The following DSCAML1 variants were observed in gnomAD, a reference collection of about 807,000 sequenced individuals.
DSCAML1 encodes the protein cell adhesion molecule DSCAML1.
DSCAML1 carries 38 observed loss-of-function variants against 200.5 expected under a neutral mutation model. The observed-to-expected ratio is 0.19, with a 90% CI of 0.15 to 0.25. The LOEUF (loss-of-function observed/expected upper bound fraction) is 0.25, where lower values mean the gene tolerates loss of function less well. Among genes scored for constraint, DSCAML1 ranks in the 10% least tolerant of loss-of-function variants. The probability of loss-of-function intolerance (pLI) is 1.00; values close to 1 mark genes in which losing one functional copy is unlikely to be tolerated. For synonymous variants in DSCAML1, 1,215 were observed against 1,165.0 expected (o/e 1.04, Z -0.87); for missense variants, 2,223 against 2,858.8 (o/e 0.78, Z 5.07).
chr11:117,713,536 T>A (rs2053891375), intron 3 of DSCAML1, among the ~76,000 whole-genome samples: 1 of 152,108 alleles, frequency 6.6e-6, no homozygotes, highest in South Asian at 2.1e-4. Context: ...GACCACAATT[T>A]CCCAGGGAGG....
At chr11:117,588,111 G>A (rs1267132950) in intron 3 of DSCAML1, among the ~76,000 whole-genome samples, 1 of 152,170 alleles carries the variant, frequency 6.6e-6, no homozygotes, top group Non-Finnish European at 1.5e-5. Flanking sequence ...AATTCCCTGG[G>A]TTAGGTTCCA....
At chr11:117,607,788 T>G (rs1247604723) in intron 3 of DSCAML1, among the ~76,000 whole-genome samples, 1 of 152,178 alleles carries the variant, frequency 6.6e-6, no homozygotes, top group African/African-American at 2.4e-5. Flanking sequence ...AGGGGCCTGT[T>G]CCCAACGCCA....
At chr11:117,499,816 C>T (rs2049362210) in intron 11 of DSCAML1, among the ~76,000 whole-genome samples, 1 of 152,204 alleles carries the variant, frequency 6.6e-6, no homozygotes, top group African/African-American at 2.4e-5. Context: ...TGGAAAACCA[C>T]TTGCCTGCTC....
At chr11:117,477,149 G>A (rs965820082) in intron 14 of DSCAML1, among the ~76,000 whole-genome samples, 2 of 151,026 alleles carry the variant, frequency 1.3e-5, no homozygotes, top group African/African-American at 4.9e-5. Context: ...CTTCAGCTTT[G>A]CCAGTGGTTC....
At chr11:117,595,339 T>C (rs939970616) in intron 3 of DSCAML1, among the ~76,000 whole-genome samples, 2 of 152,164 alleles carry the variant, frequency 1.3e-5, no homozygotes, top group African/African-American at 4.8e-5. Context: ...AAAACCAAAG[T>C]AAGACAATAA....
Position 117,518,312 on chromosome 11 carries a change from G to T in DSCAML1, c.1510+154C>A. 2 of 995,542 alleles carry T rather than the reference G, an allele frequency of 2.0e-6. No homozygotes were observed. Among genetic ancestry groups the T allele is most frequent in the Non-Finnish European group, 3.0e-6 (2 of 656,896 alleles). 61.7% of individuals were successfully genotyped at this position (995,542 alleles called of 1,614,324 possible). A position where few individuals can be genotyped will look rare whatever the true frequency, so the allele number is the denominator to read the frequency against. The stretch of plus-strand genomic sequence containing the variant: ...AGAATGGATGATGGCGCTTGAGGAG[G>T]GCAGGAAAAGGGGACGAGAGAGGGG... On this transcript the variant is annotated intron_variant, in intron 7 of 32. Coordinates refer to ENST00000651296, the MANE Select transcript of DSCAML1 (RefSeq NM_020693.4). This position sits in a 1 kb window ranked among gnomAD's most constrained non-coding sequence, Gnocchi z 6.3.
At chr11:117,792,326 C>T (rs2134072197) in intron 1 of DSCAML1, among the ~76,000 whole-genome samples, 1 of 152,154 alleles carries the variant, frequency 6.6e-6, no homozygotes, top group East Asian at 1.9e-4. Context: ...CCTGGAAATG[C>T]AGACAAAACC....
At chr11:117,619,556 CTT>C (rs943574199) in intron 3 of DSCAML1, among the ~76,000 whole-genome samples, 7 of 152,184 alleles carry the variant, frequency 4.6e-5, no homozygotes, top group Admixed American at 3.3e-4. Flanking sequence ...TTTTTGTACT[CTT>C]TGCAAATCTG....
upstream of DSCAML1, among the ~76,000 whole-genome samples, chr11:117,797,809 A>T (rs187583480): frequency 5.3e-5 from 8 of 151,970 alleles, no homozygotes; most frequent in African/African-American, 1.9e-4. Context: ...TGACTATTTA[A>T]ACGGTTATTC....
At position 117,428,289 on chromosome 11, in the gene DSCAML1, C is replaced by T. The variant is rs759628818; in HGVS notation, c.*39G>A. 4.3e-5 allele frequency: 50 copies of T among 1,160,888 alleles called. 1 individual carries two copies. Among genetic ancestry groups the T allele is most frequent in the Middle Eastern group, 4.6e-4 (2 of 4,308 alleles). 71.9% of individuals were successfully genotyped at this position (1,160,888 alleles called of 1,614,324 possible). ...GCCGAGCTGGCGTGTGGGGCTGCGGCGCGGCGCGGTCCAGGCGTGGCTGCT... is the reference window on the plus strand; with the variant it reads ...GCCGAGCTGGCGTGTGGGGCTGCGGTGCGGCGCGGTCCAGGCGTGGCTGCT... On this transcript the variant is annotated 3_prime_UTR_variant, in exon 33 of 33. Transcript: ENST00000651296.
chr11:117,588,211 A>G (rs951400342), intron 3 of DSCAML1, among the ~76,000 whole-genome samples: 16 of 152,044 alleles, frequency 1.1e-4, no homozygotes, highest in Non-Finnish European at 2.2e-4. Flanking sequence ...ATCTGGCACC[A>G]GGGTCCATTT....
At position 117,506,772 on chromosome 11, in the gene DSCAML1, T is replaced by A. The variant is rs192243706; in HGVS notation, c.1784-1040A>T. Among the ~76,000 whole-genome samples, 132 of 152,092 alleles carry A rather than the reference T, an allele frequency of 8.7e-4. 1 individual carries two copies. The highest frequency in any genetic ancestry group is 3.1e-3 in the African/African-American group (128 of 41,482). On this transcript the variant is annotated intron_variant, in intron 8 of 32. Transcript: ENST00000651296. ...ATGTTGGCCAGGCTGGCCTCAAACT[T>A]CTGGTCTCAAGTGATCCTCCCACCT...
chr11:117,730,072 G>A (rs986282889), intron 3 of DSCAML1, among the ~76,000 whole-genome samples: 5 of 152,112 alleles, frequency 3.3e-5, no homozygotes, highest in Non-Finnish European at 7.4e-5. Flanking sequence ...GGTGGTGTGC[G>A]CCTGTAGCCC....
At chr11:117,486,430 G>GGATGTGAAAGTGGCA in intron 11 of DSCAML1, among the ~76,000 whole-genome samples, 1 of 151,472 alleles carries the variant, frequency 6.6e-6, no homozygotes, top group Non-Finnish European at 1.5e-5. Context: ...TGAAAATGGC[G>GGATGTGAAAGTGGCA]GATGTGAAAG....
intron 3 of DSCAML1, among the ~76,000 whole-genome samples, chr11:117,768,138 C>T (rs1238235894): frequency 6.6e-6 from 1 of 152,122 alleles, no homozygotes; most frequent in Non-Finnish European, 1.5e-5. Flanking sequence ...AGGGCTTAAG[C>T]ACTTGGAGCA....
chr11:117,797,155 G>C lies in DSCAML1; in HGVS notation c.-76C>G, dbSNP rs1243881670. On this transcript the variant is annotated 5_prime_UTR_variant, in exon 1 of 33. Coordinates refer to ENST00000651296, the MANE Select transcript of DSCAML1 (RefSeq NM_020693.4). Reference sequence around the variant, plus strand: ...CGGCAGCGCCTCTCCCCCGCTCAGCGCGCTCCCAGCCGCCCGCACTCGGCG... The same window carrying C: ...CGGCAGCGCCTCTCCCCCGCTCAGCCCGCTCCCAGCCGCCCGCACTCGGCG... 1.3e-6 allele frequency: 2 copies of C among 1,587,324 alleles called. No homozygotes were observed. The highest frequency in any genetic ancestry group is 3.5e-5 in the Admixed American group (2 of 57,142).
intron 3 of DSCAML1, among the ~76,000 whole-genome samples, chr11:117,704,423 T>C (rs1473332964): frequency 1.3e-5 from 2 of 152,120 alleles, no homozygotes; most frequent in African/African-American, 4.8e-5. Context: ...TTCCCATATG[T>C]TGTGTGCACG....
At chr11:117,517,579 C>T (rs1249750050) in intron 7 of DSCAML1, among the ~76,000 whole-genome samples, 3 of 152,218 alleles carry the variant, frequency 2.0e-5, no homozygotes, top group Admixed American at 6.5e-5. Context: ...GGGAAACCCA[C>T]ACTTCTGTCA....
At chr11:117,544,742 G>T (rs2050339222) in intron 3 of DSCAML1, among the ~76,000 whole-genome samples, 1 of 152,212 alleles carries the variant, frequency 6.6e-6, no homozygotes, top group African/African-American at 2.4e-5. Context: ...CGGGAACAGG[G>T]ATTCAAGTCC....
Sources: gnomAD v4.1 joint callset for allele counts (sites outside exome capture counted in the v4.1 genomes callset) on GRCh38, gnomAD v4.1.1 for gene constraint, Gnocchi (gnomAD v3.1) non-coding constraint, MANE v1.5 for transcripts, NCBI Gene and HGNC (gene_info 2026-07-23, HGNC 2026-07-21) for gene names.